Variants in CPLX2 observed in about 807,000 individuals in gnomAD.
CPLX2 encodes complexin-2.
In CPLX2, 5 loss-of-function variants were observed where a neutral mutation model predicts 16.3. That is an observed-to-expected ratio of 0.31 (90% CI 0.16 to 0.64). The LOEUF (loss-of-function observed/expected upper bound fraction) is 0.64. Ranked by LOEUF, CPLX2 falls within the 30% of genes least tolerant of loss-of-function variation. The pLI, the probability that CPLX2 is intolerant of heterozygous loss-of-function variation, is 0.79. For synonymous variants in CPLX2, 89 were observed against 73.2 expected (o/e 1.22, Z -1.10); for missense variants, 144 against 181.4 (o/e 0.79, Z 1.18).
At chr5:175,821,035 G>A (rs575665095) in intron 2 of CPLX2, among the ~76,000 whole-genome samples, 20 of 152,216 alleles carry the variant, frequency 1.3e-4, no homozygotes, top group Non-Finnish European at 1.5e-4. Flanking sequence ...AGACCTCCTG[G>A]GGGTTGTCCT....
chr5:175,879,927 G>A lies in CPLX2; in HGVS notation c.287G>A (p.Arg96Gln), dbSNP rs1370777734. The change falls in exon 4 of 4, where the codon CGG becomes CAG. Residue 96 changes from arginine to glutamine, a missense_variant. Physicochemically the swap from Arg to Gln is conservative, Grantham distance 43. Coordinates refer to ENST00000393745, the MANE Select transcript of CPLX2 (RefSeq NM_001008220.2). The part of the protein sequence containing the change: ...LEQPCEGSLT[R>Q]PKKAIPAGCG... ...CAGCCCTGCGAGGGGAGCCTGACCC[G>A]GCCCAAGAAGGCCATCCCTGCGGGC... 3.7e-6 allele frequency: 6 copies of A among 1,613,878 alleles called. No homozygotes were observed. The highest frequency in any genetic ancestry group is 4.2e-6 in the Non-Finnish European group (5 of 1,179,930).
Position 175,830,428 on chromosome 5 carries a change from G to C in CPLX2, c.-89+21360G>C, listed in dbSNP as rs547333383. Among the ~76,000 whole-genome samples the C allele has an allele frequency of 6.6e-6, 1 of 152,174 alleles. No homozygotes were observed. Among genetic ancestry groups the C allele is most frequent in the South Asian group, 2.1e-4 (1 of 4,836 alleles). On this transcript the variant is annotated intron_variant, in intron 2 of 4. Coordinates refer to the CPLX2 transcript ENST00000359546. The surrounding 1 kb of genome is among the most constrained non-coding windows in gnomAD (Gnocchi z 4.0). Reference sequence around the variant, plus strand: ...AACCATCATGCCTGTCTCCTTCCCCGCCCCCGGAGGTGCGTGATGCCCCCA... The same window carrying C: ...AACCATCATGCCTGTCTCCTTCCCCCCCCCCGGAGGTGCGTGATGCCCCCA...
intron 2 of CPLX2, among the ~76,000 whole-genome samples, chr5:175,823,539 C>G (rs2113647910): frequency 6.6e-6 from 1 of 152,318 alleles, no homozygotes; most frequent in East Asian, 1.9e-4. Context: ...TAAACACAAA[C>G]AGAGCTGCCC....
At chr5:175,821,100 C>G (rs1273271141) in intron 2 of CPLX2, among the ~76,000 whole-genome samples, 1 of 152,118 alleles carries the variant, frequency 6.6e-6, no homozygotes, top group Non-Finnish European at 1.5e-5. Context: ...CCTCCATCCA[C>G]CAGCTTCTCC....
chr5:175,800,066 A>C (rs1244995611), intron 1 of CPLX2, among the ~76,000 whole-genome samples: 1 of 152,154 alleles, frequency 6.6e-6, no homozygotes, highest in Non-Finnish European at 1.5e-5. Flanking sequence ...CACAGACCTC[A>C]GCTCCTTGGA....
chr5:175,814,639 G>A (rs1758372670), intron 2 of CPLX2, among the ~76,000 whole-genome samples: 1 of 152,190 alleles, frequency 6.6e-6, no homozygotes, highest in African/African-American at 2.4e-5. Context: ...AAGCAACAGA[G>A]ACTAACTCTG....
At chr5:175,835,065 G>A (rs1758803171) in intron 2 of CPLX2, among the ~76,000 whole-genome samples, 1 of 152,180 alleles carries the variant, frequency 6.6e-6, no homozygotes, top group Admixed American at 6.5e-5. Flanking sequence ...GTGAAGGCAA[G>A]CAGGATACAT....
Position 175,875,269 on chromosome 5 carries a change from T to C in CPLX2, c.-88-3383T>C, listed in dbSNP as rs937086223. 2.6e-5 allele frequency among the ~76,000 whole-genome samples: 4 copies of C among 151,752 alleles called. No homozygotes were observed. In the South Asian group the frequency reaches 8.4e-4, roughly 32 times the overall value. ...GAGAAGGGAGGGAATAAAAGCAACATATGGAGAGGGATGGAAGATGTGAGG... is the reference window on the plus strand; with the variant it reads ...GAGAAGGGAGGGAATAAAAGCAACACATGGAGAGGGATGGAAGATGTGAGG... On this transcript the variant is annotated intron_variant, in intron 1 of 3. Coordinates refer to ENST00000393745, the MANE Select transcript of CPLX2 (RefSeq NM_001008220.2).
intron 1 of CPLX2, among the ~76,000 whole-genome samples, chr5:175,798,626 A>G (rs145608947): frequency 1.3e-5 from 2 of 152,218 alleles, no homozygotes; most frequent in African/African-American, 4.8e-5. Context: ...CAGGATGTGG[A>G]CTGAAAGATG....
At chr5:175,836,557 C>A (rs1265304496) in intron 2 of CPLX2, among the ~76,000 whole-genome samples, 1 of 151,946 alleles carries the variant, frequency 6.6e-6, no homozygotes, top group Non-Finnish European at 1.5e-5. Context: ...AGCGGGGTGG[C>A]GAGATGTTGC....
At chr5:175,817,156 A>G (rs780453871) in intron 2 of CPLX2, among the ~76,000 whole-genome samples, 23 of 152,372 alleles carry the variant, frequency 1.5e-4, no homozygotes, top group Non-Finnish European at 3.1e-4. Context: ...TCTTCAGGCT[A>G]TATCACAACA....
At chr5:175,871,484 A>T (rs1011947120), upstream of CPLX2, 1 of 146,710 alleles carries the variant, frequency 6.8e-6, no homozygotes, top group Non-Finnish European at 1.5e-5. Flanking sequence ...AGAGAGAGAG[A>T]GATTTGAATT....
chr5:175,804,079 A>ATT (rs374697834), intron 1 of CPLX2, among the ~76,000 whole-genome samples: 1 of 151,854 alleles, frequency 6.6e-6, no homozygotes, highest in African/African-American at 2.4e-5. Flanking sequence ...TTTTTATGCA[A>ATT]TTTTTTTTTA....
At position 175,836,868 on chromosome 5, in the gene CPLX2, A is replaced by C. The variant is rs148825581; in HGVS notation, c.-89+27800A>C. Among the ~76,000 whole-genome samples the C allele has an allele frequency of 4.5e-3, 690 of 152,320 alleles. 4 individuals are homozygous for C. The highest frequency in any genetic ancestry group is 0.015 in the African/African-American group (643 of 41,564). ...GGCAGGCAGAGCAAGTGCCAATGTC[A>C]CACCCACTTTACAGATAAAGAACAT... On this transcript the variant is annotated intron_variant, in intron 2 of 4. Coordinates refer to the CPLX2 transcript ENST00000359546.
At chr5:175,825,779 C>T (rs1377540068) in intron 2 of CPLX2, among the ~76,000 whole-genome samples, 1 of 151,932 alleles carries the variant, frequency 6.6e-6, no homozygotes, top group Non-Finnish European at 1.5e-5. Flanking sequence ...CGTTGATTTC[C>T]CCAAGGCAGC....
chr5:175,864,785 C>T (rs886696594), intron 2 of CPLX2, among the ~76,000 whole-genome samples: 3 of 152,108 alleles, frequency 2.0e-5, no homozygotes, highest in Non-Finnish European at 4.4e-5. Flanking sequence ...GGTTGACATC[C>T]GTAATGTCCC....
At chr5:175,818,898 CATGATCGGCCCACCTCAGCCTCCCAA>C (rs1027573019) in intron 2 of CPLX2, among the ~76,000 whole-genome samples, 1 of 152,002 alleles carries the variant, frequency 6.6e-6, no homozygotes, top group African/African-American at 2.4e-5. Flanking sequence ...CTCTTGATCT[CATGATCGGCCCACCTCAGCCTCCCAA>C]AGTGCTGGGA....
chr5:175,875,999 G>A (rs1759747985), intron 1 of CPLX2, among the ~76,000 whole-genome samples: 1 of 152,106 alleles, frequency 6.6e-6, no homozygotes, highest in Admixed American at 6.5e-5. Flanking sequence ...GCCGGAGAAG[G>A]TGATAGTTTG....
In CPLX2 at chr5:175,816,163, TCA is replaced by T. The variant is rs375138668; in HGVS notation, c.-89+7098_-89+7099del. On this transcript the variant is annotated intron_variant, in intron 2 of 4. Coordinates refer to the CPLX2 transcript ENST00000359546. ...CAGCGGAAGAGAGTGAGTGGAGAACTCACAGTCACTCTTTTTTTTTTTTGAGA... is the reference window on the plus strand; with the variant it reads ...CAGCGGAAGAGAGTGAGTGGAGAACTCAGTCACTCTTTTTTTTTTTTGAGA... Among the ~76,000 whole-genome samples the T allele has an allele frequency of 2.7e-4, 41 of 151,782 alleles. 1 individual carries two copies. Among genetic ancestry groups the T allele is most frequent in the African/African-American group, 9.2e-4 (38 of 41,418 alleles).
Sources: allele counts gnomAD v4.1 joint callset (sites outside exome capture counted in the v4.1 genomes callset), GRCh38; gene constraint gnomAD v4.1.1; non-coding constraint Gnocchi (gnomAD v3.1); transcripts MANE v1.5; gene names NCBI Gene and HGNC (gene_info 2026-07-23, HGNC 2026-07-21).